The following DIAPH2 variants were observed in gnomAD, a reference collection of about 807,000 sequenced individuals.
DIAPH2 encodes the protein protein diaphanous homolog 2.
Under a neutral mutation model 92.7 loss-of-function variants are expected in DIAPH2, and 35 were observed. The observed-to-expected ratio is 0.38, with a 90% CI of 0.29 to 0.50. The LOEUF (loss-of-function observed/expected upper bound fraction) is 0.50, where lower values mean the gene tolerates loss of function less well. Among genes scored for constraint, DIAPH2 ranks in the 20% least tolerant of loss-of-function variants. The pLI, the probability that DIAPH2 is intolerant of heterozygous loss-of-function variation, is 0.94. For synonymous variants in DIAPH2, 301 were observed against 280.4 expected, an observed-to-expected ratio of 1.07 and a Z score of -0.73; for missense variants, 701 against 819.5, an observed-to-expected ratio of 0.86 and a Z score of 1.77.
At chrX:97,146,007 CTTTT>C (rs372292277) in intron 22 of DIAPH2, among the ~76,000 whole-genome samples, 3 of 43,170 alleles carry the variant, frequency 6.9e-5, no homozygotes, top group East Asian at 9.5e-4. Flanking sequence ...TTTCTTCTTC[CTTTT>C]TTTTTTTTTT....
intron 4 of DIAPH2, among the ~76,000 whole-genome samples, chrX:96,814,612 G>GT (rs2064716046): frequency 2.7e-5 from 3 of 112,050 alleles, no homozygotes; most frequent in Admixed American, 9.5e-5. Flanking sequence ...AAGCGCTCTG[G>GT]TTTTTAGAAT....
chrX:97,092,103 T>A (rs1023931718), intron 19 of DIAPH2, among the ~76,000 whole-genome samples: 1 of 112,367 alleles, frequency 8.9e-6, no homozygotes, highest in Non-Finnish European at 1.9e-5. Flanking sequence ...TAGATGTTCC[T>A]ACGATAGTCT....
At chrX:97,439,151 G>T (rs1484534352) in intron 26 of DIAPH2, among the ~76,000 whole-genome samples, 1 of 111,395 alleles carries the variant, frequency 9.0e-6, no homozygotes, top group African/African-American at 3.3e-5. Context: ...ATAGGAGTTG[G>T]GCACAGTGGC....
At chrX:97,167,035 A>C (rs2067417250) in intron 22 of DIAPH2, among the ~76,000 whole-genome samples, 1 of 112,107 alleles carries the variant, frequency 8.9e-6, no homozygotes, top group South Asian at 3.7e-4. Context: ...CATGTATCTG[A>C]ATCCAATTCC....
At chrX:97,465,281 A>C (rs940742707) in intron 26 of DIAPH2, among the ~76,000 whole-genome samples, 1 of 111,289 alleles carries the variant, frequency 9.0e-6, no homozygotes, top group Admixed American at 9.6e-5. Flanking sequence ...ACCCACACAC[A>C]CACACACACA....
chrX:96,999,096 G>C (rs756969914), intron 17 of DIAPH2, among the ~76,000 whole-genome samples: 1 of 111,815 alleles, frequency 8.9e-6, no homozygotes, highest in African/African-American at 3.2e-5. Flanking sequence ...ATTACTACCT[G>C]CTCAGCTTCC....
intron 3 of DIAPH2, among the ~76,000 whole-genome samples, chrX:96,750,051 GTTTTTTTTTTT>G (rs753887199): frequency 1.7e-3 from 119 of 71,059 alleles, no homozygotes; most frequent in African/African-American, 6.2e-3. Flanking sequence ...TATATTTCAA[GTTTTTTTTTTT>G]TTTTTTTTTT....
At chrX:97,334,864 C>A (rs2069039227) in intron 23 of DIAPH2, among the ~76,000 whole-genome samples, 1 of 107,008 alleles carries the variant, frequency 9.3e-6, no homozygotes, top group South Asian at 4.3e-4. Flanking sequence ...GCCTGTAATC[C>A]CAGCTCTTCA....
intron 21 of DIAPH2, among the ~76,000 whole-genome samples, chrX:97,140,225 C>T (rs951780305): frequency 6.3e-5 from 7 of 110,597 alleles, no homozygotes; most frequent in Admixed American, 3.9e-4. Flanking sequence ...TTGGAATATC[C>T]GGCATACTCT....
At chrX:96,759,282 T>A (rs1275212094) in intron 4 of DIAPH2, among the ~76,000 whole-genome samples, 1 of 111,750 alleles carries the variant, frequency 8.9e-6, no homozygotes, top group Non-Finnish European at 1.9e-5. Flanking sequence ...CTAATGCATT[T>A]TGCCATGAAT....
intron 1 of DIAPH2, among the ~76,000 whole-genome samples, chrX:96,696,770 C>T (rs946948568): frequency 8.9e-6 from 1 of 112,051 alleles, no homozygotes; most frequent in Non-Finnish European, 1.9e-5. Context: ...ATCATAGGTA[C>T]CAGTTTTTGT....
chrX:97,287,147 A>G (rs1287991029), intron 23 of DIAPH2, among the ~76,000 whole-genome samples: 3 of 111,284 alleles, frequency 2.7e-5, no homozygotes, highest in African/African-American at 9.8e-5. Context: ...CGTCTCTACT[A>G]AAAGGACAAA....
rs978055461 is a variant in DIAPH2, at chrX:96,790,139, G to A, written c.447+31881G>A. Among the ~76,000 whole-genome samples, 5 of 107,576 alleles carry A rather than the reference G, an allele frequency of 4.6e-5. 1 individual carries two copies. The highest frequency in any genetic ancestry group is 1.7e-4 in the African/African-American group (5 of 29,440). 93.4% of individuals were successfully genotyped at this position (107,576 alleles called of 115,157 possible). On this transcript the variant is annotated intron_variant, in intron 4 of 26. Coordinates refer to ENST00000324765, the MANE Select transcript of DIAPH2 (RefSeq NM_006729.5). ...GGCTGGAGTGCAATGGTGCGATCCC[G>A]GCTCACTGCAACCTCCGCCTCCTGG...
At chrX:97,157,595 T>C (rs1308195371) in intron 22 of DIAPH2, among the ~76,000 whole-genome samples, 6 of 57,061 alleles carry the variant, frequency 1.1e-4, no homozygotes, top group African/African-American at 2.8e-4. Context: ...TGTCCTACTC[T>C]GTCTATGGAG....
At chrX:96,869,376 A>G (rs2065124050) in intron 4 of DIAPH2, among the ~76,000 whole-genome samples, 1 of 110,637 alleles carries the variant, frequency 9.0e-6, no homozygotes, top group Admixed American at 9.7e-5. Flanking sequence ...AGCCTGGCCA[A>G]TATGGTGAAA....
intron 4 of DIAPH2, among the ~76,000 whole-genome samples, chrX:96,779,097 C>T (rs1294737945): frequency 8.9e-6 from 1 of 112,091 alleles, no homozygotes; most frequent in Non-Finnish European, 1.9e-5. Context: ...ACTAGGATTG[C>T]TACAAAATAG....
At chrX:97,171,709 G>A (rs1478710173) in intron 22 of DIAPH2, among the ~76,000 whole-genome samples, 1 of 111,949 alleles carries the variant, frequency 8.9e-6, no homozygotes, top group East Asian at 2.8e-4. Context: ...GGGAGGCCGC[G>A]ACGGGCGGAT....
chrX:96,887,553 A>G (rs1302210217), intron 5 of DIAPH2, among the ~76,000 whole-genome samples: 1 of 111,836 alleles, frequency 8.9e-6, no homozygotes, highest in Non-Finnish European at 1.9e-5. Context: ...GGTTGATTCT[A>G]AATTAACTAT....
chrX:97,378,071 G>A (rs2069517719), intron 24 of DIAPH2, among the ~76,000 whole-genome samples: 1 of 110,904 alleles, frequency 9.0e-6, no homozygotes, highest in African/African-American at 3.3e-5. Flanking sequence ...GATTAAAAAT[G>A]TGAAAAATAT....
Sources: gnomAD v4.1 joint callset for allele counts (sites outside exome capture counted in the v4.1 genomes callset) on GRCh38, gnomAD v4.1.1 for gene constraint, MANE v1.5 for transcripts, NCBI Gene and HGNC (gene_info 2026-07-23, HGNC 2026-07-21) for gene names.